NEK6: variants seen among roughly 807,000 people sequenced by gnomAD.
NEK6 encodes serine/threonine-protein kinase Nek6.
In NEK6, 27 loss-of-function variants were observed where a neutral mutation model predicts 43.5. That is an observed-to-expected ratio of 0.62 (90% CI 0.46 to 0.86). NEK6 has a LOEUF of 0.86. Ranked by LOEUF, NEK6 falls within the 40% of genes least tolerant of loss-of-function variation. The pLI, the probability that NEK6 is intolerant of heterozygous loss-of-function variation, is 0.00. For missense variants in NEK6, 318 were observed against 414.4 expected (o/e 0.77, Z 2.02); for synonymous variants, 167 against 164.1 (o/e 1.02, Z -0.14).
intron 4 of NEK6, among the ~76,000 whole-genome samples, chr9:124,318,591 T>C (rs1191273291): frequency 6.6e-6 from 1 of 152,160 alleles, no homozygotes; most frequent in African/African-American, 2.4e-5. Flanking sequence ...GGCATTTTTT[T>C]CCTGTTTGTT....
At chr9:124,266,608 C>T (rs560133721) in intron 1 of NEK6, among the ~76,000 whole-genome samples, 1 of 152,326 alleles carries the variant, frequency 6.6e-6, no homozygotes, top group African/African-American at 2.4e-5. Flanking sequence ...TGTAACCTGC[C>T]TCACAGACTG....
chr9:124,351,085 T>C lies in NEK6; in HGVS notation c.*138T>C. ...AGGTTCCCCAAAAGGCTGCCCAGCCTTACAGCAGATGCTGAAGGCAGAGCA... is the reference window on the plus strand; with the variant it reads ...AGGTTCCCCAAAAGGCTGCCCAGCCCTACAGCAGATGCTGAAGGCAGAGCA... On this transcript the variant is annotated 3_prime_UTR_variant, in exon 10 of 10. Transcript: ENST00000320246. The C allele has an allele frequency of 1.6e-6, 1 of 610,208 alleles. No individual in the cohort carries two copies. The highest frequency in any genetic ancestry group is 2.9e-6 in the Non-Finnish European group (1 of 342,294). The allele number at this position is 610,208 out of a possible 1,614,324, so 37.8% of individuals were successfully genotyped here.
Position 124,351,031 on chromosome 9 carries a change from C to T in NEK6, c.*84C>T. 1 of 887,710 alleles carries T rather than the reference C, an allele frequency of 1.1e-6. No homozygotes were observed. Among genetic ancestry groups the T allele is most frequent in the Non-Finnish European group, 1.8e-6 (1 of 560,130 alleles). The allele number at this position is 887,710 out of a possible 1,614,324, so 55.0% of individuals were successfully genotyped here. A position where few individuals can be genotyped will look rare whatever the true frequency, so the allele number is the denominator to read the frequency against. ...TCTCTTCGAGTGGCCACCTGGTAGCCTAGAACAGCTAAGACCACAGGGTTC... is the reference window on the plus strand; with the variant it reads ...TCTCTTCGAGTGGCCACCTGGTAGCTTAGAACAGCTAAGACCACAGGGTTC... On this transcript the variant is annotated 3_prime_UTR_variant, in exon 10 of 10. Coordinates refer to ENST00000320246, the MANE Select transcript of NEK6 (RefSeq NM_014397.6).
rs1831606051 is a variant in NEK6, at chr9:124,275,227, T to G, written c.-30+17142T>G. On this transcript the variant is annotated intron_variant, in intron 1 of 9. Coordinates refer to ENST00000320246, the MANE Select transcript of NEK6 (RefSeq NM_014397.6). The surrounding 1 kb of genome is among the most constrained non-coding windows in gnomAD (Gnocchi z 4.4). ...CAGTGAATGTTTTTAAAAACGTAAT[T>G]TTAAACTTCTAGGGATGAGATGTAG... Among the ~76,000 whole-genome samples the G allele has an allele frequency of 6.6e-6, 1 of 152,146 alleles. No individual in the cohort carries two copies. The highest frequency in any genetic ancestry group is 1.5e-5 in the Non-Finnish European group (1 of 68,006).
intron 1 of NEK6, among the ~76,000 whole-genome samples, chr9:124,264,714 C>T (rs1220319431): frequency 1.3e-5 from 2 of 149,812 alleles, no homozygotes; most frequent in Non-Finnish European, 3.0e-5. Flanking sequence ...CCTGAGGAGC[C>T]TGAGGCGTGA....
At chr9:124,314,881 ACCT>A (rs1833738326) in intron 4 of NEK6, among the ~76,000 whole-genome samples, 1 of 151,892 alleles carries the variant, frequency 6.6e-6, no homozygotes, top group East Asian at 1.9e-4. Context: ...CCTGGTCTCA[ACCT>A]CCTGACCTCA....
intron 2 of NEK6, among the ~76,000 whole-genome samples, chr9:124,309,594 G>T (rs73666855): frequency 1.3e-5 from 2 of 152,218 alleles, no homozygotes; most frequent in African/African-American, 4.8e-5. Flanking sequence ...CCTGATTTGC[G>T]AGATGGGATT....
intron 1 of NEK6, 101 bp downstream of exon 1, chr9:124,258,186 G>T: frequency 1.0e-6 from 1 of 975,506 alleles, no homozygotes; most frequent in Non-Finnish European, 1.2e-6. Context: ...GGCCGAGGGC[G>T]GGCGCGCGCC....
intron 7 of NEK6, among the ~76,000 whole-genome samples, chr9:124,333,397 G>A (rs1482272920): frequency 6.6e-6 from 1 of 152,198 alleles, no homozygotes; most frequent in Non-Finnish European, 1.5e-5. Context: ...CTGACTTTAA[G>A]ATAGAAGGGG....
intron 1 of NEK6, among the ~76,000 whole-genome samples, chr9:124,264,142 C>T (rs953271913): frequency 6.6e-6 from 1 of 152,198 alleles, no homozygotes; most frequent in Admixed American, 6.5e-5. Context: ...TATGCCCCCG[C>T]CCCCCAAAGC....
At chr9:124,348,719 A>T (rs1830092766) in intron 9 of NEK6, among the ~76,000 whole-genome samples, 1 of 152,118 alleles carries the variant, frequency 6.6e-6, no homozygotes, top group African/African-American at 2.4e-5. Context: ...ATATCATGTG[A>T]CCCTTATTTC....
chr9:124,261,291 T>C, intron 1 of NEK6: 1 of 648,498 alleles, frequency 1.5e-6, no homozygotes, highest in Non-Finnish European at 1.9e-6. Flanking sequence ...CATTTTTTCT[T>C]TTCTTTAAGT....
intron 2 of NEK6, among the ~76,000 whole-genome samples, chr9:124,307,306 C>T (rs1447354189): frequency 6.6e-6 from 1 of 152,114 alleles, no homozygotes; most frequent in Middle Eastern, 3.2e-3. Flanking sequence ...AGACATCCTC[C>T]CTGCCCCCCA....
At chr9:124,273,411 C>T (rs921782570) in intron 1 of NEK6, among the ~76,000 whole-genome samples, 10 of 152,284 alleles carry the variant, frequency 6.6e-5, no homozygotes, top group South Asian at 2.1e-4. Context: ...CATTCCACAG[C>T]GAAACTGCCT....
At chr9:124,313,009 A>G (rs1400814730) in intron 3 of NEK6, among the ~76,000 whole-genome samples, 2 of 152,110 alleles carry the variant, frequency 1.3e-5, no homozygotes, top group East Asian at 3.9e-4. Context: ...GGTTCATACC[A>G]TGTCCACCCA....
At chr9:124,262,951 G>T (rs925479409) in intron 1 of NEK6, 6 of 152,232 alleles carry the variant, frequency 3.9e-5, no homozygotes, top group Non-Finnish European at 7.3e-5. Context: ...GGGTCATGTT[G>T]ACCTGGGTGA....
chr9:124,325,572 C>T (rs1834292874), intron 5 of NEK6, among the ~76,000 whole-genome samples: 1 of 152,262 alleles, frequency 6.6e-6, no homozygotes, highest in African/African-American at 2.4e-5. Context: ...CAGGCATGGG[C>T]CTGGCACCTG....
chr9:124,292,364 C>A (rs1832464278), intron 1 of NEK6: 1 of 1,504,170 alleles, frequency 6.6e-7, no homozygotes, highest in Non-Finnish European at 8.8e-7. Flanking sequence ...CTGGGCTTGG[C>A]CAGAACTTCT....
rs1834067584 is a variant in NEK6, at chr9:124,321,577, C to T, written c.405+8C>T. Reference sequence around the variant, plus strand: ...CTCTCGCAGATGATCAAGGTGAGCGCCTGGCGGGGTGGGGGTGCTGGGGGC... The same window carrying T: ...CTCTCGCAGATGATCAAGGTGAGCGTCTGGCGGGGTGGGGGTGCTGGGGGC... On this transcript the variant is annotated splice_region_variant and intron_variant, in intron 5 of 9. Transcript: ENST00000320246. 3.2e-6 allele frequency: 5 copies of T among 1,581,474 alleles called. No individual in the cohort carries two copies. The highest frequency in any genetic ancestry group is 1.3e-5 in the African/African-American group (1 of 74,460).
Sources: gnomAD v4.1 joint callset for allele counts (sites outside exome capture counted in the v4.1 genomes callset) on GRCh38, gnomAD v4.1.1 for gene constraint, Gnocchi (gnomAD v3.1) non-coding constraint, MANE v1.5 for transcripts, NCBI Gene and HGNC (gene_info 2026-07-23, HGNC 2026-07-21) for gene names.